The following KCNG3 variants were observed in gnomAD, a reference collection of about 807,000 sequenced individuals.
KCNG3 encodes the protein potassium voltage-gated channel modifier subfamily G member 3, also known as voltage-gated potassium channel regulatory subunit KCNG3.
Under a neutral mutation model 29.0 loss-of-function variants are expected in KCNG3, and 15 were observed. The ratio of observed to expected loss-of-function variants is 0.52; its 90% CI spans 0.35 to 0.80. The LOEUF (loss-of-function observed/expected upper bound fraction) is 0.80. Ranked by LOEUF, KCNG3 falls within the 30% of genes least tolerant of loss-of-function variation. The pLI is 0.01. For missense variants in KCNG3, 512 were observed against 605.7 expected, an observed-to-expected ratio of 0.85 and a Z score of 1.62; for synonymous variants, 322 against 248.9, an observed-to-expected ratio of 1.29 and a Z score of -2.76.
chr2:42,476,540 G>A (rs1280194545), intron 1 of KCNG3, among the ~76,000 whole-genome samples: 3 of 152,106 alleles, frequency 2.0e-5, no homozygotes, highest in East Asian at 3.9e-4. Context: ...CAGCTGGAGT[G>A]CAGTGGCACG....
intron 1 of KCNG3, among the ~76,000 whole-genome samples, chr2:42,468,510 G>A (rs948293581): frequency 2.0e-5 from 3 of 151,998 alleles, no homozygotes; most frequent in Non-Finnish European, 2.9e-5. Context: ...AGCAACACAA[G>A]TTATAAGGTA....
intron 1 of KCNG3, among the ~76,000 whole-genome samples, chr2:42,470,711 C>T (rs1231080781): frequency 6.6e-6 from 1 of 151,564 alleles, no homozygotes; most frequent in African/African-American, 2.4e-5. Flanking sequence ...CCTGTCTCTA[C>T]AAAAAAGTAC....
At chr2:42,467,443 G>A (rs1244070851) in intron 1 of KCNG3, among the ~76,000 whole-genome samples, 1 of 150,868 alleles carries the variant, frequency 6.6e-6, no homozygotes, top group African/African-American at 2.4e-5. Context: ...CAAGGCGGGT[G>A]GATCATCTGA....
At chr2:42,419,427 A>G in the KCNG3 span, among the ~76,000 whole-genome samples, 1 of 151,396 alleles carries the variant, frequency 6.6e-6, no homozygotes, top group East Asian at 2.0e-4. Context: ...TTAGTTAAAG[A>G]GATGGGGTTT....
At chr2:42,445,256 T>C (rs1426779286) in intron 1 of KCNG3, among the ~76,000 whole-genome samples, 1 of 152,128 alleles carries the variant, frequency 6.6e-6, no homozygotes, top group African/African-American at 2.4e-5. Context: ...TGCAGGACAG[T>C]GGTTCTCAGC....
Position 42,449,177 on chromosome 2 carries a change from G to C in KCNG3, c.666-4598C>G, listed in dbSNP as rs368231218. Among the ~76,000 whole-genome samples, 719 of 152,042 alleles carry C rather than the reference G, an allele frequency of 4.7e-3. 4 individuals are homozygous for C. The highest frequency in any genetic ancestry group is 0.016 in the African/African-American group (665 of 41,474). On this transcript the variant is annotated intron_variant, in intron 1 of 1. Coordinates refer to ENST00000306078, the MANE Select transcript of KCNG3 (RefSeq NM_133329.6). Reference sequence around the variant, plus strand: ...CTAGTTGAATGTATCACTCAATTGTGTTCTTCCTTTTCAAGACTGTCCTGG... The same window carrying C: ...CTAGTTGAATGTATCACTCAATTGTCTTCTTCCTTTTCAAGACTGTCCTGG...
the KCNG3 span, among the ~76,000 whole-genome samples, chr2:42,423,959 A>G: frequency 2.6e-5 from 4 of 152,102 alleles, no homozygotes; most frequent in African/African-American, 9.7e-5. Context: ...GATATGTCCA[A>G]TCTCTCCAAG....
chr2:42,392,582 G>A, the KCNG3 span, among the ~76,000 whole-genome samples: 2 of 152,216 alleles, frequency 1.3e-5, no homozygotes, highest in Admixed American at 1.3e-4. Context: ...CCAAAGAGAA[G>A]GCTTTAGTTG....
the KCNG3 span, among the ~76,000 whole-genome samples, chr2:42,406,973 C>T: frequency 1.0e-3 from 152 of 151,844 alleles, no homozygotes; most frequent in African/African-American, 3.1e-3. Flanking sequence ...TTGTAGCCAA[C>T]GCTTTTTAAA....
the KCNG3 span, among the ~76,000 whole-genome samples, chr2:42,432,204 A>T: frequency 2.0e-5 from 3 of 152,190 alleles, no homozygotes; most frequent in Non-Finnish European, 4.4e-5. Flanking sequence ...TGTTAGGCAA[A>T]TGCTCCTGTT....
Position 42,471,427 on chromosome 2 carries a change from T to C in KCNG3, c.665+21410A>G, listed in dbSNP as rs143877051. Among the ~76,000 whole-genome samples, 536 of 152,206 alleles carry C rather than the reference T, an allele frequency of 3.5e-3. 5 individuals carry two copies. Among genetic ancestry groups the C allele is most frequent in the African/African-American group, 0.012 (498 of 41,526 alleles). ...GCTCCATGTTGTATAACTGTATTCATATGAAATGTCCAGAATAGGCAAATC... is the reference window on the plus strand; with the variant it reads ...GCTCCATGTTGTATAACTGTATTCACATGAAATGTCCAGAATAGGCAAATC... On this transcript the variant is annotated intron_variant, in intron 1 of 1. Transcript: ENST00000306078.
At chr2:42,467,889 G>A (rs553644351) in intron 1 of KCNG3, among the ~76,000 whole-genome samples, 5 of 149,802 alleles carry the variant, frequency 3.3e-5, no homozygotes, top group Non-Finnish European at 5.9e-5. Flanking sequence ...AGGATCACCC[G>A]AGCCTGGAGA....
intron 1 of KCNG3, among the ~76,000 whole-genome samples, chr2:42,486,585 A>C (rs1673731718): frequency 6.6e-6 from 1 of 152,224 alleles, no homozygotes. Context: ...ACTATAGCCC[A>C]CATGGGCCTT....
At chr2:42,489,638 A>G (rs1673823373) in intron 1 of KCNG3, among the ~76,000 whole-genome samples, 1 of 152,158 alleles carries the variant, frequency 6.6e-6, no homozygotes, top group East Asian at 1.9e-4. Context: ...CAAGAGAGGA[A>G]TAGAATCTGA....
chr2:42,398,948 A>G, the KCNG3 span, among the ~76,000 whole-genome samples: 1 of 152,018 alleles, frequency 6.6e-6, no homozygotes, highest in Non-Finnish European at 1.5e-5. Flanking sequence ...GCATCTTTTC[A>G]ATGTTCATTG....
downstream of KCNG3, among the ~76,000 whole-genome samples, chr2:42,440,092 C>T (rs1672440886): frequency 6.6e-6 from 1 of 152,172 alleles, no homozygotes; most frequent in Non-Finnish European, 1.5e-5. Flanking sequence ...AATTACAACC[C>T]ACTGGGAGCA....
the KCNG3 span, among the ~76,000 whole-genome samples, chr2:42,397,947 G>C: frequency 2.0e-5 from 3 of 152,174 alleles, no homozygotes; most frequent in Admixed American, 6.6e-5. Flanking sequence ...AGACGGGCTG[G>C]GCACGGTGGC....
chr2:42,483,902 C>T (rs970340913), intron 1 of KCNG3, among the ~76,000 whole-genome samples: 2 of 152,174 alleles, frequency 1.3e-5, no homozygotes, highest in African/African-American at 4.8e-5. Flanking sequence ...AGTGATCCTC[C>T]TACCTCAGAC....
intron 1 of KCNG3, among the ~76,000 whole-genome samples, chr2:42,481,776 T>C (rs530257292): frequency 1.3e-5 from 2 of 152,128 alleles, no homozygotes; most frequent in Non-Finnish European, 2.9e-5. Flanking sequence ...CTCTTCTCTA[T>C]GCTTAAAACT....
Sources: allele counts gnomAD v4.1 joint callset (sites outside exome capture counted in the v4.1 genomes callset), GRCh38; gene constraint gnomAD v4.1.1; transcripts MANE v1.5; gene names NCBI Gene and HGNC (gene_info 2026-07-23, HGNC 2026-07-21).